The following ABCB5 variants were observed in gnomAD, a reference collection of about 807,000 sequenced individuals.
ABCB5 encodes ATP binding cassette subfamily B member 5.
A neutral mutation model predicts 144.2 loss-of-function variants in ABCB5; 155 were observed. The ratio of observed to expected loss-of-function variants is 1.08; its 90% CI spans 0.94 to 1.23. The LOEUF is 1.23. Ranked by LOEUF, ABCB5 falls within the 50% of genes most tolerant of loss-of-function variation. ABCB5 has a pLI of 0.00. For missense variants in ABCB5, 1,830 were observed against 1,520.8 expected, an observed-to-expected ratio of 1.20 and a Z score of -3.38; for synonymous variants, 610 against 528.6, an observed-to-expected ratio of 1.15 and a Z score of -2.11.
At chr7:20,626,695 T>C in intron 3 of ABCB5, 84 bp downstream of exon 3, 3 of 1,049,416 alleles carry the variant, frequency 2.9e-6, no homozygotes, top group Non-Finnish European at 2.6e-6. Context: ...GTTTATTAGA[T>C]TGCATCCACT....
chr7:20,647,009 A>C (rs1385013541), intron 9 of ABCB5, among the ~76,000 whole-genome samples: 1 of 152,206 alleles, frequency 6.6e-6, no homozygotes, highest in Non-Finnish European at 1.5e-5. Context: ...AGCTTGAGGG[A>C]TTCTTTTCTT....
At chr7:20,688,068 C>G (rs1786060973) in intron 16 of ABCB5, among the ~76,000 whole-genome samples, 1 of 152,022 alleles carries the variant, frequency 6.6e-6, no homozygotes, top group African/African-American at 2.4e-5. Flanking sequence ...TGGCACATGC[C>G]TGTAATCCTA....
intron 23 of ABCB5, 69 bp downstream of exon 23, chr7:20,728,524 C>A: frequency 1.3e-6 from 2 of 1,537,250 alleles, no homozygotes; most frequent in Non-Finnish European, 1.8e-6. Flanking sequence ...GAGGCTGAGG[C>A]GGGTGGATCA....
At chr7:20,667,472 T>C in intron 14 of ABCB5, 1 of 984,336 alleles carries the variant, frequency 1.0e-6, no homozygotes, top group South Asian at 4.7e-5. Context: ...TTGTTTGACT[T>C]TATATTCTGT....
At chr7:20,660,444 C>A in intron 14 of ABCB5, 1 of 968,880 alleles carries the variant, frequency 1.0e-6, no homozygotes, top group Non-Finnish European at 1.2e-6. Flanking sequence ...TAAAGGGTAA[C>A]CAATAGGATG....
intron 14 of ABCB5, among the ~76,000 whole-genome samples, chr7:20,677,151 A>G (rs1785643025): frequency 6.6e-6 from 1 of 152,194 alleles, no homozygotes; most frequent in Non-Finnish European, 1.5e-5. Context: ...TGTTCATAAA[A>G]CTTGTTCAGC....
At chr7:20,665,418 T>C (rs183897880) in intron 14 of ABCB5, among the ~76,000 whole-genome samples, 16 of 152,254 alleles carry the variant, frequency 1.1e-4, no homozygotes, top group Admixed American at 9.2e-4. Flanking sequence ...CCAATTGGCT[T>C]TCAACATCAC....
intron 14 of ABCB5, chr7:20,659,697 T>G (rs994581338): frequency 1.0e-6 from 1 of 987,248 alleles, no homozygotes; most frequent in African/African-American, 1.7e-5. Context: ...TTATACTTAG[T>G]AACTAGGACA....
intron 16 of ABCB5, 57 bp downstream of exon 16, chr7:20,685,893 C>T (rs1466703853): frequency 4.6e-6 from 7 of 1,505,400 alleles, no homozygotes; most frequent in Non-Finnish European, 5.3e-6. Context: ...TTGATTTAAT[C>T]CTTACAAAAT....
At chr7:20,740,028 G>A (rs184887322) in intron 24 of ABCB5, among the ~76,000 whole-genome samples, 283 of 152,146 alleles carry the variant, frequency 1.9e-3, no homozygotes, top group East Asian at 0.012. Context: ...TCAGGAGATC[G>A]AGTCCATCCT....
intron 20 of ABCB5, among the ~76,000 whole-genome samples, chr7:20,709,097 G>A (rs889131309): frequency 1.3e-5 from 2 of 152,174 alleles, no homozygotes; most frequent in African/African-American, 4.8e-5. Context: ...GACTGTGGAT[G>A]TTACTCTCAA....
At chr7:20,668,054 C>T (rs1171660926) in intron 14 of ABCB5, among the ~76,000 whole-genome samples, 2 of 87,670 alleles carry the variant, frequency 2.3e-5, no homozygotes, top group Non-Finnish European at 4.3e-5. Context: ...AGTGCAGTGG[C>T]GTGATCTCGG....
At chr7:20,645,080 G>A (rs972535158) in intron 7 of ABCB5, among the ~76,000 whole-genome samples, 8 of 152,174 alleles carry the variant, frequency 5.3e-5, no homozygotes, top group Non-Finnish European at 1.2e-4. Flanking sequence ...TGGAGAGGAA[G>A]CAGGTGAAGG....
chr7:20,739,195 G>C, intron 24 of ABCB5, 56 bp downstream of exon 24: 1 of 1,470,408 alleles, frequency 6.8e-7, no homozygotes. Flanking sequence ...GTAGGAACTG[G>C]GGGCCACTGA....
Position 20,688,609 on chromosome 7 carries a change from C to A in ABCB5, c.2010+2773C>A, listed in dbSNP as rs529995025. On this transcript the variant is annotated intron_variant, in intron 16 of 27. Coordinates refer to ENST00000404938, the MANE Select transcript of ABCB5 (RefSeq NM_001163941.2). The stretch of plus-strand genomic sequence containing the variant: ...AGAAATACCATTTGACCCAGCCATC[C>A]CATTACTGGGTATATACCCCAAGGA... 1.2e-3 allele frequency among the ~76,000 whole-genome samples: 187 copies of A among 152,272 alleles called. 1 individual carries two copies. The highest frequency in any genetic ancestry group is 2.0e-3 in the Non-Finnish European group (139 of 68,024).
At chr7:20,666,795 C>T (rs1468556661) in intron 14 of ABCB5, 2 of 1,593,040 alleles carry the variant, frequency 1.3e-6, no homozygotes, top group Non-Finnish European at 1.7e-6. Context: ...GATAATCTAC[C>T]ACACTATCTA....
chr7:20,629,944 T>C (rs1038723186), intron 4 of ABCB5, among the ~76,000 whole-genome samples: 2 of 152,132 alleles, frequency 1.3e-5, no homozygotes, highest in Admixed American at 1.3e-4. Context: ...TAGAGACAGA[T>C]ACCCTGAATT....
At chr7:20,702,696 C>T (rs936563965) in intron 19 of ABCB5, among the ~76,000 whole-genome samples, 1 of 135,776 alleles carries the variant, frequency 7.4e-6, no homozygotes, top group Non-Finnish European at 1.5e-5. Flanking sequence ...CAGTCTCGCT[C>T]TGTCGCCCAG....
At chr7:20,638,533 G>C (rs896093478) in intron 5 of ABCB5, among the ~76,000 whole-genome samples, 5 of 152,130 alleles carry the variant, frequency 3.3e-5, no homozygotes, top group South Asian at 2.1e-4. Flanking sequence ...TGCCCAGCTT[G>C]AGGCAACTCC....
Sources: allele counts gnomAD v4.1 joint callset (sites outside exome capture counted in the v4.1 genomes callset), GRCh38; gene constraint gnomAD v4.1.1; transcripts MANE v1.5; gene names NCBI Gene and HGNC (gene_info 2026-07-23, HGNC 2026-07-21).